OR1L8: variants seen among roughly 807,000 people sequenced by gnomAD.
OR1L8 encodes olfactory receptor family 1 subfamily L member 8.
For synonymous variants in OR1L8, 148 were observed against 147.0 expected, an observed-to-expected ratio of 1.01 and a Z score of -0.05; for missense variants, 330 against 377.4, an observed-to-expected ratio of 0.87 and a Z score of 1.04.
the OR1L8 span, among the ~76,000 whole-genome samples, chr9:122,556,197 C>G: frequency 6.6e-6 from 1 of 151,354 alleles, no homozygotes; most frequent in Non-Finnish European, 1.5e-5. Flanking sequence ...CTTTTCATAG[C>G]TTGATAGTTC....
the OR1L8 span, among the ~76,000 whole-genome samples, chr9:122,559,095 T>C: frequency 2.0e-5 from 3 of 151,990 alleles, no homozygotes; most frequent in African/African-American, 7.2e-5. Context: ...GAAATTACAA[T>C]ACATTATTGT....
chr9:122,557,726 T>A, the OR1L8 span, among the ~76,000 whole-genome samples: 2 of 152,088 alleles, frequency 1.3e-5, no homozygotes, highest in African/African-American at 4.8e-5. Context: ...CCTCATAGAA[T>A]GAGCTAAAAG....
At chr9:122,563,211 G>A (rs1156604460), downstream of OR1L8, among the ~76,000 whole-genome samples, 1 of 149,990 alleles carries the variant, frequency 6.7e-6, no homozygotes, top group Non-Finnish European at 1.5e-5. Flanking sequence ...TTTGATAATA[G>A]CCATTCTAAC....
Position 122,567,250 on chromosome 9 carries a change from T to G in OR1L8, c.*298A>C. On this transcript the variant is annotated 3_prime_UTR_variant, in exon 5 of 5. Transcript: ENST00000641027. Reference sequence around the variant, plus strand: ...TCTGCCTTAATAAAAGGAGAGAAATTTGTTTAGGAAATATTCATGGGGAAA... The same window carrying G: ...TCTGCCTTAATAAAAGGAGAGAAATGTGTTTAGGAAATATTCATGGGGAAA... 1 of 248,060 alleles carries G rather than the reference T, an allele frequency of 4.0e-6. No individual in the cohort carries two copies. Among genetic ancestry groups the G allele is most frequent in the Non-Finnish European group, 7.7e-6 (1 of 130,304 alleles). The allele number at this position is 248,060 out of a possible 1,614,324, so 15.4% of individuals were successfully genotyped here. A position where few individuals can be genotyped will look rare whatever the true frequency, so the allele number is the denominator to read the frequency against.
At chr9:122,561,202 A>G in the OR1L8 span, among the ~76,000 whole-genome samples, 126 of 152,084 alleles carry the variant, frequency 8.3e-4, no homozygotes, top group Middle Eastern at 3.4e-3. Context: ...CCATTCCATC[A>G]TTTATGTTCC....
At chr9:122,557,096 C>G in the OR1L8 span, among the ~76,000 whole-genome samples, 2 of 152,062 alleles carry the variant, frequency 1.3e-5, 1 homozygote, top group South Asian at 4.1e-4. Context: ...TATCCCGAAA[C>G]CTTGCTATAA....
At chr9:122,570,649 A>G (rs927908948) in intron 4 of OR1L8, among the ~76,000 whole-genome samples, 4 of 152,196 alleles carry the variant, frequency 2.6e-5, no homozygotes, top group African/African-American at 9.6e-5. Flanking sequence ...CCTCAGCGTC[A>G]TCGTCCCTTA....
Position 122,567,694 on chromosome 9 carries a change from G to T in OR1L8, c.784C>A (p.Gln262Lys), listed in dbSNP as rs745359074. The T allele has an allele frequency of 2.5e-6, 4 of 1,614,106 alleles. No individual in the cohort carries two copies. Among genetic ancestry groups the T allele is most frequent in the Non-Finnish European group, 3.4e-6 (4 of 1,180,020 alleles). The change falls in exon 5 of 5, where the codon CAG (glutamine) becomes AAG (lysine). Residue 262 changes from glutamine to lysine, a missense_variant. Coordinates refer to ENST00000641027, the MANE Select transcript of OR1L8 (RefSeq NM_001004454.2). ...TTGACAGCGTAGGTGGATGGGGGCT[G>T]TAAATAGACACAGAAGATGCTTCCA... ...FYGSIFCVYL[Q>K]PPSTYAVKDH...
At chr9:122,553,669 T>C in the OR1L8 span, 1 of 1,614,128 alleles carries the variant, frequency 6.2e-7, no homozygotes, top group East Asian at 2.2e-5. Flanking sequence ...GTGTGCTGGG[T>C]GCTAACCAAC....
At chr9:122,553,482 CAG>C in the OR1L8 span, 1 of 1,613,996 alleles carries the variant, frequency 6.2e-7, no homozygotes, top group East Asian at 2.2e-5. Flanking sequence ...CATTCATACC[CAG>C]AGTCAGATCA....
At chr9:122,558,970 G>A in the OR1L8 span, among the ~76,000 whole-genome samples, 1 of 151,764 alleles carries the variant, frequency 6.6e-6, no homozygotes, top group African/African-American at 2.4e-5. Context: ...GTGATATTTC[G>A]ATACCTGTAT....
chr9:122,574,552 C>A (rs775947908), intron 3 of OR1L8, among the ~76,000 whole-genome samples: 2 of 152,084 alleles, frequency 1.3e-5, no homozygotes, highest in African/African-American at 4.8e-5. Flanking sequence ...ATTTTGCACT[C>A]TTGCTGTAAT....
the OR1L8 span, among the ~76,000 whole-genome samples, chr9:122,548,926 T>G: frequency 6.6e-6 from 1 of 152,054 alleles, no homozygotes; most frequent in Non-Finnish European, 1.5e-5. Flanking sequence ...GTGGTTTGTT[T>G]ACTCTGTTGA....
chr9:122,553,365 A>T, the OR1L8 span: 1 of 1,614,040 alleles, frequency 6.2e-7, no homozygotes. Context: ...TATCCTGGCC[A>T]TCAGCTCTGA....
chr9:122,561,744 G>A, the OR1L8 span, among the ~76,000 whole-genome samples: 5 of 152,146 alleles, frequency 3.3e-5, no homozygotes, highest in African/African-American at 1.2e-4. Context: ...GAGGGGCACC[G>A]ACCTAATGCC....
chr9:122,562,858 G>A (rs893969203), downstream of OR1L8, among the ~76,000 whole-genome samples: 1 of 151,932 alleles, frequency 6.6e-6, no homozygotes, highest in Non-Finnish European at 1.5e-5. Context: ...GATTTTATTC[G>A]TTTTATGGCT....
downstream of OR1L8, among the ~76,000 whole-genome samples, chr9:122,562,465 G>A (rs1195080763): frequency 6.6e-6 from 1 of 152,184 alleles, no homozygotes; most frequent in East Asian, 1.9e-4. Flanking sequence ...TCTCAAGTGG[G>A]ATCTTCTGAT....
chr9:122,577,302 G>A (rs1829674568), intron 2 of OR1L8, among the ~76,000 whole-genome samples: 2 of 151,936 alleles, frequency 1.3e-5, no homozygotes, highest in Admixed American at 1.3e-4. Flanking sequence ...CTCCAAATTG[G>A]GTTGATCCTA....
chr9:122,567,520 A>G lies in OR1L8; in HGVS notation c.*28T>C. 1 of 1,484,850 alleles carries G rather than the reference A, an allele frequency of 6.7e-7. No individual in the cohort carries two copies. The highest frequency in any genetic ancestry group is 1.3e-5 in the South Asian group (1 of 75,646). The allele number at this position is 1,484,850 out of a possible 1,614,324, so 92.0% of individuals were successfully genotyped here. On this transcript the variant is annotated 3_prime_UTR_variant, in exon 5 of 5. Coordinates refer to ENST00000641027, the MANE Select transcript of OR1L8 (RefSeq NM_001004454.2). The stretch of plus-strand genomic sequence containing the variant: ...AACACGTCCAAGTTGAGCAGATTCC[A>G]CTTACGAGTTTTTCAAGAGGGTGCT...
Sources: allele counts gnomAD v4.1 joint callset (sites outside exome capture counted in the v4.1 genomes callset), GRCh38; gene constraint gnomAD v4.1.1; transcripts MANE v1.5; gene names NCBI Gene and HGNC (gene_info 2026-07-23, HGNC 2026-07-21).